The following SCN9A variants were observed in gnomAD, a reference collection of about 807,000 sequenced individuals.
SCN9A encodes the protein sodium channel protein type 9 subunit alpha.
A neutral mutation model predicts 187.0 loss-of-function variants in SCN9A; 131 were observed. The observed-to-expected ratio is 0.70, with a 90% CI of 0.61 to 0.81. The LOEUF (loss-of-function observed/expected upper bound fraction) is 0.81. SCN9A is among the 30% of genes least tolerant of loss of function. The probability of loss-of-function intolerance (pLI) is 0.00; values close to 1 mark genes in which losing one functional copy is unlikely to be tolerated. For missense variants in SCN9A, 2,252 were observed against 2,396.6 expected, an observed-to-expected ratio of 0.94 and a Z score of 1.26; for synonymous variants, 809 against 808.6, an observed-to-expected ratio of 1.00 and a Z score of -0.01.
At chr2:166,276,900 TA>T in intron 16 of SCN9A, 82 bp downstream of exon 16, 1 of 1,017,470 alleles carries the variant, frequency 9.8e-7, no homozygotes, top group Non-Finnish European at 1.3e-6. Flanking sequence ...TAATTAATTA[TA>T]AAATTATAAA....
intron 11 of SCN9A, 113 bp from the exon 12 acceptor site, chr2:166,284,937 T>TA (rs1184756207): frequency 1.1e-5 from 12 of 1,119,962 alleles, no homozygotes; most frequent in African/African-American, 9.4e-5. Context: ...TGTACTGACT[T>TA]AAAAGAAACA....
At chr2:166,360,334 T>C (rs533153225) in intron 1 of SCN9A, among the ~76,000 whole-genome samples, 2 of 151,878 alleles carry the variant, frequency 1.3e-5, no homozygotes, top group African/African-American at 4.8e-5. Flanking sequence ...TATCTGAACG[T>C]TTTAATAAAA....
chr2:166,225,675 T>G (rs887053911), intron 24 of SCN9A, among the ~76,000 whole-genome samples: 1 of 152,170 alleles, frequency 6.6e-6, no homozygotes, highest in Non-Finnish European at 1.5e-5. Context: ...TTGAAAATAA[T>G]GTCATTGCAG....
intron 24 of SCN9A, among the ~76,000 whole-genome samples, chr2:166,222,930 CAAAAAAAAAA>C (rs1369885268): frequency 5.1e-5 from 1 of 19,538 alleles, no homozygotes; most frequent in East Asian, 3.4e-3. Flanking sequence ...AACTCCGTCT[CAAAAAAAAAA>C]ACAACAAAAA....
At chr2:166,262,476 G>C (rs979828385) in intron 17 of SCN9A, among the ~76,000 whole-genome samples, 1 of 151,906 alleles carries the variant, frequency 6.6e-6, no homozygotes, top group African/African-American at 2.4e-5. Context: ...TAATCAGTCA[G>C]CATTAAGGTG....
Position 166,199,350 on chromosome 2 carries a change from A to G in SCN9A, c.5289T>C (p.Phe1763=). 1 of 1,614,208 alleles carries G rather than the reference A, an allele frequency of 6.2e-7. No homozygotes were observed. The highest frequency in any genetic ancestry group is 1.1e-5 in the South Asian group (1 of 91,082). The part of the protein sequence containing the change: ...NMYIAVILEN[F]SVATEESTEP... Reference sequence around the variant, plus strand: ...CAGTACTTTCTTCAGTGGCAACACTAAAATTCTCCAGTATGACTGCAATGT... The same window carrying G: ...CAGTACTTTCTTCAGTGGCAACACTGAAATTCTCCAGTATGACTGCAATGT... Residue 1763 remains phenylalanine, a synonymous_variant, in exon 27 of 27, where the codon TTT becomes TTC. Transcript: ENST00000642356.
chr2:166,310,344 C>A lies in SCN9A; in HGVS notation c.258+1155G>T, dbSNP rs1174238156. On this transcript the variant is annotated intron_variant, in intron 2 of 26. Coordinates refer to ENST00000642356, the MANE Select transcript of SCN9A (RefSeq NM_001365536.1). Reference sequence around the variant, plus strand: ...ACAAAATGGGAGACAATTTTCGCAACCTACTCATCTGACAAAAGGCTAATA... The same window carrying A: ...ACAAAATGGGAGACAATTTTCGCAAACTACTCATCTGACAAAAGGCTAATA... 2.4e-5 allele frequency among the ~76,000 whole-genome samples: 2 copies of A among 82,664 alleles called. 1 individual carries two copies. The highest frequency in any genetic ancestry group is 5.1e-5 in the Non-Finnish European group (2 of 39,418). The allele number at this position is 82,664 out of a possible 152,430, so 54.2% of individuals were successfully genotyped here.
chr2:166,240,605 C>T (rs901579419), intron 19 of SCN9A, among the ~76,000 whole-genome samples: 1 of 152,182 alleles, frequency 6.6e-6, no homozygotes, highest in Admixed American at 6.5e-5. Flanking sequence ...ACTAGGAATA[C>T]ATTGCATGGT....
Position 166,357,709 on chromosome 2 carries a change from T to A in SCN9A, c.-51+17988A>T, listed in dbSNP as rs1045744665. Among the ~76,000 whole-genome samples, 14 of 152,328 alleles carry A rather than the reference T, an allele frequency of 9.2e-5. 1 individual carries two copies. The highest frequency in any genetic ancestry group is 7.8e-4 in the Admixed American group (12 of 15,294). ...TTCTTCATTAGATATACTTTCTATTTCAATTTCCTCACTCCTCACTAGTCA... is the reference window on the plus strand; with the variant it reads ...TTCTTCATTAGATATACTTTCTATTACAATTTCCTCACTCCTCACTAGTCA... On this transcript the variant is annotated intron_variant, in intron 1 of 26. Coordinates refer to ENST00000642356, the MANE Select transcript of SCN9A (RefSeq NM_001365536.1).
chr2:166,319,980 C>T (rs1316645729), intron 1 of SCN9A, among the ~76,000 whole-genome samples: 2 of 151,944 alleles, frequency 1.3e-5, no homozygotes, highest in African/African-American at 4.8e-5. Flanking sequence ...GAAATGAAAA[C>T]ATAACTGCTT....
intron 1 of SCN9A, among the ~76,000 whole-genome samples, chr2:166,375,212 G>A (rs548542674): frequency 1.3e-5 from 2 of 152,276 alleles, no homozygotes; most frequent in African/African-American, 2.4e-5. Flanking sequence ...GTGCTCTTAA[G>A]GGGTGCGGGG....
chr2:166,256,061 T>A (rs1356816221), intron 17 of SCN9A, among the ~76,000 whole-genome samples: 1 of 151,060 alleles, frequency 6.6e-6, no homozygotes, highest in Non-Finnish European at 1.5e-5. Flanking sequence ...GGCATAAGAG[T>A]CCAATATTTT....
chr2:166,236,782 T>C (rs1245939915), intron 20 of SCN9A, among the ~76,000 whole-genome samples: 2 of 152,186 alleles, frequency 1.3e-5, no homozygotes, highest in African/African-American at 4.8e-5. Flanking sequence ...TTTGAGTAAA[T>C]ATGACTAATT....
intron 7 of SCN9A, chr2:166,301,102 C>CA (rs1553494527): frequency 1.9e-5 from 2 of 103,124 alleles, no homozygotes; most frequent in Non-Finnish European, 3.9e-5. Flanking sequence ...GACGGGGTTT[C>CA]TTTTTTTTTC....
chr2:166,339,520 A>G (rs1173687428), intron 1 of SCN9A, among the ~76,000 whole-genome samples: 1 of 152,140 alleles, frequency 6.6e-6, no homozygotes, highest in Non-Finnish European at 1.5e-5. Flanking sequence ...ATGAGTCCCT[A>G]TGTCCTAGTA....
At chr2:166,370,418 C>A (rs1311493349) in intron 1 of SCN9A, among the ~76,000 whole-genome samples, 1 of 151,478 alleles carries the variant, frequency 6.6e-6, no homozygotes, top group Non-Finnish European at 1.5e-5. Flanking sequence ...GTGGTAGGCG[C>A]CTGTAGTCCC....
intron 9 of SCN9A, among the ~76,000 whole-genome samples, chr2:166,289,455 T>C (rs1697942744): frequency 6.6e-6 from 1 of 152,148 alleles, no homozygotes; most frequent in South Asian, 2.1e-4. Flanking sequence ...GTTCCTGTTT[T>C]AGTTTGCTGA....
At chr2:166,300,211 C>G (rs1698493966) in intron 7 of SCN9A, among the ~76,000 whole-genome samples, 1 of 150,704 alleles carries the variant, frequency 6.6e-6, no homozygotes, top group African/African-American at 2.5e-5. Flanking sequence ...ATGATATGAC[C>G]CCTATTTTTT....
At chr2:166,330,997 G>C (rs575303100) in intron 1 of SCN9A, among the ~76,000 whole-genome samples, 9 of 151,984 alleles carry the variant, frequency 5.9e-5, no homozygotes, top group African/African-American at 1.9e-4. Flanking sequence ...AGGAGGTTGA[G>C]AAAAAATGCA....
Sources: gnomAD v4.1 joint callset for allele counts (sites outside exome capture counted in the v4.1 genomes callset) on GRCh38, gnomAD v4.1.1 for gene constraint, MANE v1.5 for transcripts, NCBI Gene and HGNC (gene_info 2026-07-23, HGNC 2026-07-21) for gene names.